Variants in NIBAN2 observed in about 807,000 individuals in gnomAD.
NIBAN2 encodes protein Niban 2.
A neutral mutation model predicts 81.8 loss-of-function variants in NIBAN2; 36 were observed. That is an observed-to-expected ratio of 0.44 (90% CI 0.34 to 0.58). The LOEUF (loss-of-function observed/expected upper bound fraction) is 0.58, where lower values mean the gene tolerates loss of function less well. Ranked by LOEUF, NIBAN2 falls within the 20% of genes least tolerant of loss-of-function variation. The probability of loss-of-function intolerance (pLI) is 0.02; values close to 1 mark genes in which losing one functional copy is unlikely to be tolerated. For missense variants in NIBAN2, 897 were observed against 1,014.1 expected (o/e 0.88, Z 1.57); for synonymous variants, 445 against 441.6 (o/e 1.01, Z -0.10).
chr9:127,519,300 C>A (rs1202456056), intron 5 of NIBAN2, among the ~76,000 whole-genome samples: 4 of 151,798 alleles, frequency 2.6e-5, no homozygotes, highest in African/African-American at 9.7e-5. Context: ...GCAAGGTAAA[C>A]CCCTGAGTGA....
chr9:127,507,456 A>G lies in NIBAN2; in HGVS notation c.1655-25T>C. ...GCTACAGGGCCACAGGGGAAGGGTC[A>G]GGACACAGCACTGATCCCACAGCCG... On this transcript the variant is annotated intron_variant, in intron 13 of 13. Transcript: ENST00000373312. The surrounding 1 kb of genome is among the most constrained non-coding windows in gnomAD (Gnocchi z 6.8). 6.8e-7 allele frequency: 1 copy of G among 1,478,358 alleles called. No homozygotes were observed. The highest frequency in any genetic ancestry group is 9.0e-7 in the Non-Finnish European group (1 of 1,111,552). The allele number at this position is 1,478,358 out of a possible 1,614,324, so 91.6% of individuals were successfully genotyped here. A position where few individuals can be genotyped will look rare whatever the true frequency, so the allele number is the denominator to read the frequency against.
At chr9:127,547,007 AAG>A (rs1837484064) in intron 1 of NIBAN2, among the ~76,000 whole-genome samples, 1 of 151,268 alleles carries the variant, frequency 6.6e-6, no homozygotes, top group Non-Finnish European at 1.5e-5. Flanking sequence ...TGCCAAGCAG[AAG>A]ACCCGAGAAA....
At chr9:127,550,563 A>G (rs1232947694) in intron 1 of NIBAN2, among the ~76,000 whole-genome samples, 2 of 152,238 alleles carry the variant, frequency 1.3e-5, no homozygotes, top group Non-Finnish European at 2.9e-5. Flanking sequence ...TCCCCTGACT[A>G]TGTGACATTA....
chr9:127,560,530 C>G (rs544017665), intron 1 of NIBAN2, among the ~76,000 whole-genome samples: 1 of 152,132 alleles, frequency 6.6e-6, no homozygotes, highest in African/African-American at 2.4e-5. Flanking sequence ...CTACCTCCCC[C>G]ATCCTGAGTC....
At chr9:127,570,919 G>A (rs562775459), upstream of NIBAN2, among the ~76,000 whole-genome samples, 1 of 152,376 alleles carries the variant, frequency 6.6e-6, no homozygotes, top group African/African-American at 2.4e-5. Context: ...TGAGGCAGAG[G>A]GAGAACCTGG....
At chr9:127,515,974 C>CA (rs1221092203) in intron 8 of NIBAN2, among the ~76,000 whole-genome samples, 28 of 151,970 alleles carry the variant, frequency 1.8e-4, no homozygotes, top group African/African-American at 6.8e-4. Flanking sequence ...CCTGTCTCTA[C>CA]AAAAAATACA....
chr9:127,558,751 A>G (rs1304151111), intron 1 of NIBAN2, among the ~76,000 whole-genome samples: 4 of 152,170 alleles, frequency 2.6e-5, no homozygotes, highest in African/African-American at 9.7e-5. Flanking sequence ...CAGAAGTGCA[A>G]TTGTCAGCTC....
chr9:127,526,718 G>A, intron 3 of NIBAN2, among the ~76,000 whole-genome samples: 1 of 152,168 alleles, frequency 6.6e-6, no homozygotes, highest in East Asian at 1.9e-4. Context: ...AAGGCACAAT[G>A]CTCCCATAGG....
chr9:127,560,710 G>C (rs1212352687), intron 1 of NIBAN2, among the ~76,000 whole-genome samples: 1 of 152,182 alleles, frequency 6.6e-6, no homozygotes, highest in African/African-American at 2.4e-5. Flanking sequence ...CACAGCGCCG[G>C]GCACACAGAA....
At chr9:127,570,305 A>C (rs1482406941), upstream of NIBAN2, among the ~76,000 whole-genome samples, 1 of 152,218 alleles carries the variant, frequency 6.6e-6, no homozygotes, top group Non-Finnish European at 1.5e-5. Context: ...GCATTCATTC[A>C]TGCATTCAGT....
rs145642538 is a variant in NIBAN2 at position 127,514,401 on chromosome 9, C to T, written c.973+2456G>A. 5.6e-3 allele frequency among the ~76,000 whole-genome samples: 854 copies of T among 152,124 alleles called. 7 individuals are homozygous for T. Among genetic ancestry groups the T allele is most frequent in the African/African-American group, 0.019 (809 of 41,494 alleles). On this transcript the variant is annotated intron_variant, in intron 8 of 13. Transcript: ENST00000373312. Reference sequence around the variant, plus strand: ...CATTGCATGCCTGATCAAAACATCTCATGTACCCCATAAATATGCACACCT... The same window carrying T: ...CATTGCATGCCTGATCAAAACATCTTATGTACCCCATAAATATGCACACCT...
Position 127,568,913 on chromosome 9 carries a change from C to T in NIBAN2, c.-39G>A. ...CGCGGCCCGATCCGGCCGACGCCGC[C>T]GCTGTTGCCCGCGCTGCTCAGGCGG... is the stretch of plus-strand genomic sequence containing the variant. On this transcript the variant is annotated 5_prime_UTR_variant, in exon 1 of 14. Transcript: ENST00000373312. The T allele has an allele frequency of 1.6e-6, 2 of 1,246,796 alleles. No individual in the cohort carries two copies. Among genetic ancestry groups the T allele is most frequent in the Non-Finnish European group, 2.0e-6 (2 of 996,004 alleles). The allele number at this position is 1,246,796 out of a possible 1,614,324, so 77.2% of individuals were successfully genotyped here. A position where few individuals can be genotyped will look rare whatever the true frequency, so the allele number is the denominator to read the frequency against.
Position 127,563,244 on chromosome 9 carries a change from A to C in NIBAN2, c.55+5576T>G, listed in dbSNP as rs1053464550. 2.0e-5 allele frequency among the ~76,000 whole-genome samples: 3 copies of C among 152,208 alleles called. No individual in the cohort carries two copies. The highest frequency in any genetic ancestry group is 4.4e-5 in the Non-Finnish European group (3 of 68,038). ...AGTCAGGGGGACTAGAGGAGGCTGG[A>C]TGGAGGGGAAGGCAGGGTCAAAGCC... On this transcript the variant is annotated intron_variant, in intron 1 of 13. Coordinates refer to ENST00000373312, the MANE Select transcript of NIBAN2 (RefSeq NM_022833.4). The surrounding 1 kb of genome is among the most constrained non-coding windows in gnomAD (Gnocchi z 4.1).
chr9:127,531,528 ACC>A, intron 2 of NIBAN2, 118 bp downstream of exon 2: 2 of 804,480 alleles, frequency 2.5e-6, no homozygotes, highest in Non-Finnish European at 3.7e-6. Flanking sequence ...AGCTGGGGAG[ACC>A]CTTAGAGGCC....
intron 3 of NIBAN2, 21 bp from the exon 4 acceptor site, chr9:127,525,184 G>C (rs760852156): frequency 6.0e-5 from 96 of 1,591,400 alleles, no homozygotes; most frequent in Non-Finnish European, 7.9e-5. Context: ...CAAGAGAGAG[G>C]GTCCCTGAGG....
At chr9:127,557,711 G>A (rs947860153) in intron 1 of NIBAN2, among the ~76,000 whole-genome samples, 13 of 152,246 alleles carry the variant, frequency 8.5e-5, no homozygotes, top group Non-Finnish European at 1.6e-4. Context: ...CGGCTCTCAG[G>A]TCACTGAGAA....
rs1836852604 is a variant in NIBAN2 at position 127,517,304 on chromosome 9, G to C, written c.706-88C>G. 8.9e-7 allele frequency: 1 copy of C among 1,124,952 alleles called. No homozygotes were observed. The highest frequency in any genetic ancestry group is 1.3e-6 in the Non-Finnish European group (1 of 769,144). 69.7% of individuals were successfully genotyped at this position (1,124,952 alleles called of 1,614,324 possible). A position where few individuals can be genotyped will look rare whatever the true frequency, so the allele number is the denominator to read the frequency against. On this transcript the variant is annotated intron_variant, in intron 6 of 13. Coordinates refer to ENST00000373312, the MANE Select transcript of NIBAN2 (RefSeq NM_022833.4). This position sits in a 1 kb window ranked among gnomAD's most constrained non-coding sequence, Gnocchi z 4.0. ...CTGCATTCCCACAAGCCAGGCCGCT[G>C]CAGCCCCCACCTCCTCCGCGACTGG...
Position 127,517,298 on chromosome 9 carries a change from G to C in NIBAN2, c.706-82C>G. The C allele has an allele frequency of 8.4e-7, 1 of 1,184,388 alleles. No individual in the cohort carries two copies. Among genetic ancestry groups the C allele is most frequent in the Non-Finnish European group, 1.2e-6 (1 of 819,358 alleles). 73.4% of individuals were successfully genotyped at this position (1,184,388 alleles called of 1,614,324 possible). A position where few individuals can be genotyped will look rare whatever the true frequency, so the allele number is the denominator to read the frequency against. On this transcript the variant is annotated intron_variant, in intron 6 of 13. Coordinates refer to ENST00000373312, the MANE Select transcript of NIBAN2 (RefSeq NM_022833.4). The surrounding 1 kb of genome is among the most constrained non-coding windows in gnomAD (Gnocchi z 4.0). ...TTCTCTCTGCATTCCCACAAGCCAG[G>C]CCGCTGCAGCCCCCACCTCCTCCGC...
Position 127,525,128 on chromosome 9 carries a change from G to C in NIBAN2, c.351C>G (p.Ile117Met). The C allele has an allele frequency of 6.2e-7, 1 of 1,614,150 alleles. No homozygotes were observed. Among genetic ancestry groups the C allele is most frequent in the South Asian group, 1.1e-5 (1 of 91,080 alleles). ...YERQVPPRAV[I>M]NSAGYKILTS... The stretch of plus-strand genomic sequence containing the variant: ...TGAGGATTTTGTAGCCTGCACTGTT[G>C]ATGACGGCTCGTGGTGGGACCTGCC... The change falls in exon 4 of 14, where the codon ATC becomes ATG. Residue 117 changes from isoleucine (I) to methionine (M), a missense_variant. By Grantham distance (10) the Ile-to-Met change is conservative (BLOSUM62 1). Coordinates refer to ENST00000373312, the MANE Select transcript of NIBAN2 (RefSeq NM_022833.4).
Sources: gnomAD v4.1 joint callset for allele counts (sites outside exome capture counted in the v4.1 genomes callset) on GRCh38, gnomAD v4.1.1 for gene constraint, Gnocchi (gnomAD v3.1) non-coding constraint, MANE v1.5 for transcripts, NCBI Gene and HGNC (gene_info 2026-07-23, HGNC 2026-07-21) for gene names.